DYM: variants seen among roughly 807,000 people sequenced by gnomAD.
The protein encoded by DYM is dyggve-Melchior-Clausen syndrome protein.
A neutral mutation model predicts 93.1 loss-of-function variants in DYM; 78 were observed. The ratio of observed to expected loss-of-function variants is 0.84; its 90% CI spans 0.70 to 1.01. The LOEUF is 1.01. DYM is among the 50% of genes least tolerant of loss of function. DYM has a pLI of 0.00. For synonymous variants in DYM, 321 were observed against 319.7 expected, an observed-to-expected ratio of 1.00 and a Z score of -0.04; for missense variants, 789 against 845.0, an observed-to-expected ratio of 0.93 and a Z score of 0.82.
At chr18:49,219,121 C>T (rs2093223604) in intron 13 of DYM, among the ~76,000 whole-genome samples, 1 of 152,084 alleles carries the variant, frequency 6.6e-6, no homozygotes, top group Non-Finnish European at 1.5e-5. Context: ...GAGAATACTA[C>T]AAACACCTCT....
intron 17 of DYM, among the ~76,000 whole-genome samples, chr18:49,049,337 A>G (rs1245150949): frequency 6.6e-6 from 1 of 152,210 alleles, no homozygotes; most frequent in Non-Finnish European, 1.5e-5. Flanking sequence ...TCACTCAGTA[A>G]ATACTTACTG....
intron 14 of DYM, among the ~76,000 whole-genome samples, chr18:49,186,529 C>T (rs1353845964): frequency 1.3e-5 from 2 of 152,140 alleles, no homozygotes; most frequent in African/African-American, 2.4e-5. Flanking sequence ...GGTCTGTCCT[C>T]CAAAAACTTC....
At chr18:49,325,765 G>A (rs1427809262) in intron 8 of DYM, among the ~76,000 whole-genome samples, 1 of 152,212 alleles carries the variant, frequency 6.6e-6, no homozygotes, top group African/African-American at 2.4e-5. Flanking sequence ...AATCAGGGAA[G>A]TTAGAGTTCC....
chr18:49,347,350 T>C (rs2064688904), intron 6 of DYM, among the ~76,000 whole-genome samples: 1 of 152,128 alleles, frequency 6.6e-6, no homozygotes, highest in Non-Finnish European at 1.5e-5. Flanking sequence ...GCATCATCTA[T>C]ATAAAAATTA....
chr18:49,403,451 G>T (rs2071082371), intron 2 of DYM, among the ~76,000 whole-genome samples: 1 of 152,160 alleles, frequency 6.6e-6, no homozygotes, highest in Admixed American at 6.5e-5. Context: ...TTGAATATAT[G>T]ATTTCATTTG....
intron 17 of DYM, among the ~76,000 whole-genome samples, chr18:49,056,501 A>C (rs2075494923): frequency 6.6e-6 from 1 of 152,164 alleles, no homozygotes; most frequent in Non-Finnish European, 1.5e-5. Flanking sequence ...CATTAATAAA[A>C]GCCTATTCTT....
intron 2 of DYM, among the ~76,000 whole-genome samples, chr18:49,401,035 G>T (rs1188665722): frequency 1.3e-5 from 2 of 152,142 alleles, no homozygotes; most frequent in African/African-American, 2.4e-5. Flanking sequence ...GTTTCTGAAG[G>T]CAGATTTGGG....
At chr18:49,378,233 A>C (rs1227457226) in intron 5 of DYM, among the ~76,000 whole-genome samples, 1 of 152,238 alleles carries the variant, frequency 6.6e-6, no homozygotes, top group Non-Finnish European at 1.5e-5. Context: ...GATATTTAAA[A>C]CTGACACCTC....
chr18:49,302,342 C>A (rs2060988900), intron 8 of DYM, among the ~76,000 whole-genome samples: 1 of 150,666 alleles, frequency 6.6e-6, no homozygotes, highest in South Asian at 2.1e-4. Context: ...TTTTATAAAA[C>A]TTATTCAGAT....
chr18:49,410,550 A>G (rs1222894885), intron 2 of DYM, among the ~76,000 whole-genome samples: 1 of 152,022 alleles, frequency 6.6e-6, no homozygotes, highest in Non-Finnish European at 1.5e-5. Context: ...TACATTTAGC[A>G]GACTTCACTG....
chr18:49,203,287 T>C (rs1281446665), intron 14 of DYM, among the ~76,000 whole-genome samples: 1 of 56,178 alleles, frequency 1.8e-5, no homozygotes, highest in African/African-American at 5.0e-5. Context: ...GGGGCGCCTC[T>C]GCCCGGCCGC....
chr18:49,280,158 T>A (rs2094935635), intron 10 of DYM, among the ~76,000 whole-genome samples: 1 of 152,234 alleles, frequency 6.6e-6, no homozygotes, highest in Non-Finnish European at 1.5e-5. Flanking sequence ...GGTAGCTTAC[T>A]TTGCCCCTTA....
intron 8 of DYM, among the ~76,000 whole-genome samples, chr18:49,299,836 G>A (rs1269887929): frequency 6.6e-6 from 1 of 151,808 alleles, no homozygotes; most frequent in Non-Finnish European, 1.5e-5. Flanking sequence ...GAGGTCAGGA[G>A]ATCAACACCA....
chr18:49,333,412 T>A (rs1362324679), intron 7 of DYM, among the ~76,000 whole-genome samples: 4 of 152,106 alleles, frequency 2.6e-5, no homozygotes, highest in Admixed American at 2.6e-4. Flanking sequence ...ATAATCTGAA[T>A]AACAAATATG....
chr18:49,219,907 GGC>G (rs2093273598), intron 13 of DYM, among the ~76,000 whole-genome samples: 1 of 76,966 alleles, frequency 1.3e-5, no homozygotes, highest in African/African-American at 3.0e-5. Context: ...TTCTGGCCAG[GGC>G]AATTAGGCAG....
chr18:49,155,974 G>A (rs957355105), intron 15 of DYM, among the ~76,000 whole-genome samples: 1 of 152,170 alleles, frequency 6.6e-6, no homozygotes, highest in Non-Finnish European at 1.5e-5. Flanking sequence ...AATTACTGAT[G>A]AACTAAAATG....
intron 14 of DYM, among the ~76,000 whole-genome samples, chr18:49,184,333 A>T (rs1208645142): frequency 6.6e-6 from 1 of 152,042 alleles, no homozygotes; most frequent in African/African-American, 2.4e-5. Context: ...CCAAGGCCAC[A>T]ACTCACTCCC....
At chr18:49,338,522 G>T (rs1305835101) in intron 6 of DYM, among the ~76,000 whole-genome samples, 6 of 152,150 alleles carry the variant, frequency 3.9e-5, no homozygotes, top group African/African-American at 1.4e-4. Flanking sequence ...ACTCTATACA[G>T]CTGTAGTAAG....
At chr18:49,443,848 T>C (rs1237999829) in intron 1 of DYM, among the ~76,000 whole-genome samples, 2 of 152,228 alleles carry the variant, frequency 1.3e-5, no homozygotes, top group Admixed American at 6.5e-5. Context: ...TAAATTGTGT[T>C]TGATTACAGC....
Sources: gnomAD v4.1 joint callset for allele counts (sites outside exome capture counted in the v4.1 genomes callset) on GRCh38, gnomAD v4.1.1 for gene constraint, MANE v1.5 for transcripts, NCBI Gene and HGNC (gene_info 2026-07-23, HGNC 2026-07-21) for gene names.